The following MEIKIN variants were observed in gnomAD, a reference collection of about 807,000 sequenced individuals.
The protein encoded by MEIKIN is meiotic kinetochore factor, also known as meiosis-specific kinetochore protein.
chr5:131,934,502 C>A (rs904608820), intron 4 of MEIKIN, among the ~76,000 whole-genome samples: 2 of 152,044 alleles, frequency 1.3e-5, no homozygotes, highest in Admixed American at 6.6e-5. Context: ...GCTGGAACAA[C>A]TAGGTATCCA....
intron 11 of MEIKIN, among the ~76,000 whole-genome samples, chr5:131,845,130 C>G (rs551373243): frequency 2.0e-5 from 3 of 151,952 alleles, no homozygotes; most frequent in East Asian, 3.9e-4. Context: ...ATTAGCCAGG[C>G]ATGGTCGTGG....
In MEIKIN at chr5:131,944,665, A is replaced by C. The variant is rs1289789399; in HGVS notation, c.288T>G (p.Arg96=). The C allele has an allele frequency of 5.0e-6, 2 of 398,932 alleles. No homozygotes were observed. Among genetic ancestry groups the C allele is most frequent in the Middle Eastern group, 6.2e-4 (1 of 1,610 alleles). 24.7% of individuals were successfully genotyped at this position (398,932 alleles called of 1,614,324 possible). The change falls in exon 3 of 13, where the codon CGT becomes CGG. Residue 96 remains arginine, a splice_region_variant and synonymous_variant. Coordinates refer to ENST00000442687, the MANE Select transcript of MEIKIN (RefSeq NM_001303622.2). ...DTQDEKIASL[R]ESVTDDLQVD... is the part of the protein sequence containing the mutation. ...AGGACTAAAAGAGAAGCATACATAC[A>C]CGCAACGATGCAATCTTCTCATCCT...
intron 8 of MEIKIN, among the ~76,000 whole-genome samples, chr5:131,900,514 C>A (rs1751138910): frequency 1.3e-5 from 2 of 152,170 alleles, no homozygotes; most frequent in South Asian, 2.1e-4. Context: ...GGGCAGAACT[C>A]CAGCTGGTGC....
chr5:131,942,600 A>C (rs1434156524), intron 4 of MEIKIN, 35 bp downstream of exon 4: 2 of 398,188 alleles, frequency 5.0e-6, no homozygotes, highest in African/African-American at 2.1e-5. Context: ...GAGGAAAAAC[A>C]GAAAGCTGAG....
chr5:131,934,510 C>T (rs926690554), intron 4 of MEIKIN, among the ~76,000 whole-genome samples: 1 of 151,910 alleles, frequency 6.6e-6, no homozygotes, highest in Non-Finnish European at 1.5e-5. Context: ...AACTAGGTAT[C>T]CATATAAAAA....
At chr5:131,889,426 C>T (rs1035649175) in intron 8 of MEIKIN, among the ~76,000 whole-genome samples, 4 of 152,180 alleles carry the variant, frequency 2.6e-5, no homozygotes, top group Non-Finnish European at 4.4e-5. Flanking sequence ...AGGTCCTTCA[C>T]GTCCCTTGTA....
intron 11 of MEIKIN, among the ~76,000 whole-genome samples, chr5:131,844,507 C>A (rs1749975458): frequency 6.6e-6 from 1 of 152,114 alleles, no homozygotes; most frequent in Non-Finnish European, 1.5e-5. Context: ...GGAGATGTAG[C>A]TGAGTACTAG....
rs10077598 is a variant in MEIKIN at position 131,875,839 on chromosome 5, C to T, written c.774+3139G>A. Among the ~76,000 whole-genome samples, 283 of 152,192 alleles carry T rather than the reference C, an allele frequency of 1.9e-3. 1 individual carries two copies. Among genetic ancestry groups the T allele is most frequent in the East Asian group, 6.0e-3 (31 of 5,188 alleles). ...AGAACACAGCACTCAGAAATAATGT[C>T]GCATATCTACAACTACCTGATGTTT... On this transcript the variant is annotated intron_variant, in intron 9 of 12. Transcript: ENST00000442687.
At chr5:131,825,974 CTA>C (rs1749602106) in intron 11 of MEIKIN, among the ~76,000 whole-genome samples, 1 of 152,044 alleles carries the variant, frequency 6.6e-6, no homozygotes, top group Non-Finnish European at 1.5e-5. Context: ...CCAAGAAAAA[CTA>C]TCTTTCAAGA....
At chr5:131,873,344 T>C (rs368517155) in intron 9 of MEIKIN, among the ~76,000 whole-genome samples, 11 of 150,106 alleles carry the variant, frequency 7.3e-5, no homozygotes, top group Middle Eastern at 3.4e-3. Context: ...GCAGGGGTTG[T>C]AATCCTAGTC....
intron 12 of MEIKIN, among the ~76,000 whole-genome samples, chr5:131,812,662 A>T (rs1773017084): frequency 6.6e-6 from 1 of 151,972 alleles, no homozygotes; most frequent in Admixed American, 6.6e-5. Flanking sequence ...GCTAGATTTG[A>T]AGGGAGGCCC....
At chr5:131,900,578 G>A (rs927063740) in intron 8 of MEIKIN, among the ~76,000 whole-genome samples, 2 of 152,240 alleles carry the variant, frequency 1.3e-5, no homozygotes, top group East Asian at 3.9e-4. Flanking sequence ...AGCCAAGGAC[G>A]CCCATCCCCC....
chr5:131,906,202 G>C (rs545644699), intron 8 of MEIKIN, among the ~76,000 whole-genome samples: 21 of 151,988 alleles, frequency 1.4e-4, no homozygotes, highest in Non-Finnish European at 2.5e-4. Flanking sequence ...TTAAAAAGTG[G>C]GCAAAGGACA....
intron 8 of MEIKIN, among the ~76,000 whole-genome samples, chr5:131,906,646 A>C (rs1751247756): frequency 6.6e-6 from 1 of 152,340 alleles, no homozygotes; most frequent in East Asian, 1.9e-4. Context: ...CTAGAGAAAA[A>C]AAATGTGGTA....
At chr5:131,854,946 A>G (rs76138478) in intron 9 of MEIKIN, 112 bp from the exon 10 acceptor site, 1 of 385,324 alleles carries the variant, frequency 2.6e-6, no homozygotes, top group Non-Finnish European at 4.6e-6. Context: ...TACAGTACTA[A>G]GAAAATCCTT....
intron 8 of MEIKIN, among the ~76,000 whole-genome samples, chr5:131,886,871 C>A (rs963245296): frequency 1.3e-5 from 2 of 151,612 alleles, no homozygotes; most frequent in African/African-American, 4.8e-5. Context: ...GTTTGTTACA[C>A]AGGTATGTGC....
intron 8 of MEIKIN, among the ~76,000 whole-genome samples, chr5:131,880,060 C>A (rs1479274127): frequency 6.6e-6 from 1 of 152,000 alleles, no homozygotes; most frequent in South Asian, 2.1e-4. Flanking sequence ...GCTGAGATTA[C>A]AGGCACACAC....
intron 5 of MEIKIN, among the ~76,000 whole-genome samples, chr5:131,923,946 G>GT (rs1252935664): frequency 1.3e-5 from 2 of 152,120 alleles, no homozygotes; most frequent in African/African-American, 2.4e-5. Flanking sequence ...TCCTACATGT[G>GT]TAAGTGAAAC....
chr5:131,921,483 C>T (rs1751504325), intron 6 of MEIKIN, among the ~76,000 whole-genome samples: 1 of 152,188 alleles, frequency 6.6e-6, no homozygotes, highest in East Asian at 1.9e-4. Flanking sequence ...CATAGTGAAA[C>T]CCCATCTCTA....
Sources: allele counts gnomAD v4.1 joint callset (sites outside exome capture counted in the v4.1 genomes callset), GRCh38; gene constraint gnomAD v4.1.1; transcripts MANE v1.5; gene names NCBI Gene and HGNC (gene_info 2026-07-23, HGNC 2026-07-21).